SPTLC2: variants seen among roughly 807,000 people sequenced by gnomAD.
The protein encoded by SPTLC2 is serine palmitoyltransferase 2.
SPTLC2 carries 21 observed loss-of-function variants against 62.0 expected under a neutral mutation model. That is an observed-to-expected ratio of 0.34 (90% CI 0.24 to 0.49). The LOEUF (loss-of-function observed/expected upper bound fraction) is 0.49, where lower values mean the gene tolerates loss of function less well. SPTLC2 is among the 20% of genes least tolerant of loss of function. SPTLC2 has a pLI of 0.99. For missense variants in SPTLC2, 511 were observed against 713.0 expected (o/e 0.72, Z 3.23); for synonymous variants, 261 against 261.8 (o/e 1.00, Z 0.03).
intron 1 of SPTLC2, among the ~76,000 whole-genome samples, chr14:77,614,662 T>TA (rs1474324966): frequency 1.0e-5 from 1 of 96,254 alleles, no homozygotes; most frequent in African/African-American, 3.9e-5. Flanking sequence ...AGACTCCATC[T>TA]CAAAAAAAAC....
At chr14:77,598,198 C>T (rs2079858742) in intron 1 of SPTLC2, among the ~76,000 whole-genome samples, 1 of 150,778 alleles carries the variant, frequency 6.6e-6, no homozygotes, top group Non-Finnish European at 1.5e-5. Context: ...TACTTGTTTT[C>T]AATAGAAATA....
intron 2 of SPTLC2, among the ~76,000 whole-genome samples, chr14:77,587,210 G>A (rs1159333539): frequency 1.3e-5 from 2 of 151,162 alleles, no homozygotes; most frequent in South Asian, 4.2e-4. Flanking sequence ...CAGCCTGGGT[G>A]ACAGAACGAG....
chr14:77,593,401 G>C (rs2079829187), intron 2 of SPTLC2, among the ~76,000 whole-genome samples: 1 of 152,094 alleles, frequency 6.6e-6, no homozygotes, highest in African/African-American at 2.4e-5. Context: ...CCTCAGCCTA[G>C]AACATCTTTA....
At chr14:77,585,870 G>A (rs1378365502) in intron 2 of SPTLC2, among the ~76,000 whole-genome samples, 1 of 152,104 alleles carries the variant, frequency 6.6e-6, no homozygotes. Context: ...CCAAAAAAAT[G>A]ACCCGACCTA....
chr14:77,591,263 G>T (rs899459462), intron 2 of SPTLC2, among the ~76,000 whole-genome samples: 3 of 152,182 alleles, frequency 2.0e-5, no homozygotes, highest in Non-Finnish European at 4.4e-5. Flanking sequence ...CCATTTATAT[G>T]AAAAGTCCCG....
At chr14:77,545,400 G>A (rs113799338) in intron 9 of SPTLC2, among the ~76,000 whole-genome samples, 12 of 152,152 alleles carry the variant, frequency 7.9e-5, no homozygotes, top group African/African-American at 2.9e-4. Flanking sequence ...CCAAGTAGCT[G>A]GGATTGCAGG....
At chr14:77,581,731 G>C (rs2079752249) in intron 2 of SPTLC2, among the ~76,000 whole-genome samples, 1 of 151,962 alleles carries the variant, frequency 6.6e-6, no homozygotes, top group African/African-American at 2.4e-5. Context: ...TTTACAACTG[G>C]TTCTAATAGT....
chr14:77,547,037 A>C (rs1230874716), intron 9 of SPTLC2, among the ~76,000 whole-genome samples: 1 of 138,856 alleles, frequency 7.2e-6, no homozygotes, highest in Admixed American at 7.0e-5. Flanking sequence ...GCTAATTTTC[A>C]TATTTTTATT....
rs776997699 is a variant in SPTLC2, at chr14:77,597,275, C to G, written c.238G>C (p.Val80Leu). The G allele has an allele frequency of 6.2e-7, 1 of 1,614,152 alleles. No homozygotes were observed. Among genetic ancestry groups the G allele is most frequent in the Admixed American group, 1.7e-5 (1 of 60,018 alleles). ...CGAAGATATCCAAAGAGGGTGAGTA[C>G]GCCATACCCCACATACGTGAGCACA... Reference protein sequence around the residue: ...VAVLTYVGYGVLTLFGYLRDF... With the variant: ...VAVLTYVGYGLLTLFGYLRDF... The change falls in exon 2 of 12, where the codon GTA becomes CTA. Residue 80 changes from valine to leucine, a missense_variant. By Grantham distance (32) the Val-to-Leu change is conservative. Coordinates refer to ENST00000216484, the MANE Select transcript of SPTLC2 (RefSeq NM_004863.4).
chr14:77,556,567 A>G (rs948574208), intron 7 of SPTLC2, among the ~76,000 whole-genome samples: 1 of 152,116 alleles, frequency 6.6e-6, no homozygotes, highest in African/African-American at 2.4e-5. Flanking sequence ...ATTTTTATTT[A>G]TTTTTTACAG....
chr14:77,571,538 C>T (rs28670354), intron 4 of SPTLC2, among the ~76,000 whole-genome samples: 9,615 of 150,544 alleles, frequency 0.064, 325 homozygotes, highest in Middle Eastern at 0.13. Flanking sequence ...GTTCTTCCCT[C>T]ACTGTGAACT....
chr14:77,555,438 A>G lies in SPTLC2; in HGVS notation c.1038T>C (p.Ala346=). 6.2e-7 allele frequency: 1 copy of G among 1,614,202 alleles called. No homozygotes were observed. The highest frequency in any genetic ancestry group is 2.2e-5 in the East Asian group (1 of 44,880). ...TGGGGCCCAGGGCGCCAATGCTGTG[A>G]GCCTCATCCAGATACAAGTATGCCT... ...KYKAYLYLDE[A]HSIGALGPTG... The change falls in exon 8 of 12, where the codon GCT becomes GCC. Residue 346 remains alanine (A), a synonymous_variant. Transcript: ENST00000216484.
chr14:77,611,470 A>G (rs1303351174), intron 1 of SPTLC2, among the ~76,000 whole-genome samples: 1 of 151,614 alleles, frequency 6.6e-6, no homozygotes, highest in African/African-American at 2.4e-5. Context: ...AAAAAAAAAA[A>G]AAAAAGAAAG....
At chr14:77,579,306 G>C (rs976328222) in intron 2 of SPTLC2, among the ~76,000 whole-genome samples, 197 bp from the exon 3 acceptor site, 1 of 152,160 alleles carries the variant, frequency 6.6e-6, no homozygotes. Context: ...TACCCATTAA[G>C]TAATTTCTCA....
intron 1 of SPTLC2, among the ~76,000 whole-genome samples, chr14:77,604,762 G>C (rs1440640026): frequency 6.6e-6 from 1 of 151,654 alleles, no homozygotes; most frequent in East Asian, 1.9e-4. Flanking sequence ...AGCTACTCGG[G>C]AGGCTGAGGC....
chr14:77,578,510 C>T (rs986550369), intron 3 of SPTLC2, among the ~76,000 whole-genome samples: 12 of 151,602 alleles, frequency 7.9e-5, no homozygotes, highest in Non-Finnish European at 1.5e-4. Context: ...TGAGGTCAGG[C>T]ATTCGAGACC....
chr14:77,580,164 A>T (rs1198872971), intron 2 of SPTLC2, among the ~76,000 whole-genome samples: 1 of 152,170 alleles, frequency 6.6e-6, no homozygotes, highest in African/African-American at 2.4e-5. Context: ...AATAATAAAC[A>T]AGAAACACTA....
At chr14:77,532,652 C>T (rs368551841) in intron 9 of SPTLC2, among the ~76,000 whole-genome samples, 80 of 152,042 alleles carry the variant, frequency 5.3e-4, no homozygotes, top group East Asian at 4.5e-3. Context: ...GGTGTGGTGG[C>T]AGGCGCCTGT....
intron 11 of SPTLC2, among the ~76,000 whole-genome samples, chr14:77,513,075 G>C (rs2079341370): frequency 7.7e-6 from 1 of 129,172 alleles, no homozygotes; most frequent in Non-Finnish European, 1.6e-5. Flanking sequence ...ACCCAGGCTG[G>C]AGTACAGTGG....
Sources: allele counts gnomAD v4.1 joint callset (sites outside exome capture counted in the v4.1 genomes callset), GRCh38; gene constraint gnomAD v4.1.1; transcripts MANE v1.5; gene names NCBI Gene and HGNC (gene_info 2026-07-23, HGNC 2026-07-21).